The following ITGB4 variants were observed in gnomAD, a reference collection of about 807,000 sequenced individuals.
ITGB4 encodes integrin subunit beta 4, also known as integrin beta-4.
In ITGB4, 159 loss-of-function variants were observed where a neutral mutation model predicts 207.6. The observed-to-expected ratio is 0.77, with a 90% CI of 0.67 to 0.87. ITGB4 has a LOEUF of 0.87. Among genes scored for constraint, ITGB4 ranks in the 40% least tolerant of loss-of-function variants. ITGB4 has a pLI of 0.00. For synonymous variants in ITGB4, 1,020 were observed against 1,062.7 expected (o/e 0.96, Z 0.78); for missense variants, 2,278 against 2,546.8 (o/e 0.89, Z 2.27).
In ITGB4 at chr17:75,731,919, C is replaced by T. The variant is rs768079251; in HGVS notation, c.1323C>T (p.Ser441=). Reference sequence around the variant, plus strand: ...ACATCCATCTGAAACCTTCCTTCTCCGACGGCCTCAAGATGGACGCGGGCA... The same window carrying T: ...ACATCCATCTGAAACCTTCCTTCTCTGACGGCCTCAAGATGGACGCGGGCA... The part of the protein sequence containing the change: ...KGNIHLKPSF[S]DGLKMDAGII... Residue 441 remains serine (S), a synonymous_variant, in exon 11 of 40, where the codon TCC becomes TCT. Coordinates refer to ENST00000200181, the MANE Select transcript of ITGB4 (RefSeq NM_000213.5). The surrounding 1 kb of genome is among the most constrained non-coding windows in gnomAD (Gnocchi z 6.8). 6.2e-6 allele frequency: 10 copies of T among 1,613,942 alleles called. No individual in the cohort carries two copies. Among genetic ancestry groups the T allele is most frequent in the East Asian group, 2.2e-5 (1 of 44,902 alleles).
chr17:75,748,157 T>G (rs568495698), intron 26 of ITGB4, among the ~76,000 whole-genome samples: 61 of 125,146 alleles, frequency 4.9e-4, no homozygotes, highest in African/African-American at 1.7e-3. Context: ...GGCCGGGAGT[T>G]CAAGACCAGC....
At chr17:75,749,802 C>T (rs2061324553) in intron 27 of ITGB4, among the ~76,000 whole-genome samples, 1 of 152,122 alleles carries the variant, frequency 6.6e-6, no homozygotes, top group South Asian at 2.1e-4. Context: ...ACTCAGGGTA[C>T]AGTGTGGAGA....
chr17:75,730,907 G>A lies in ITGB4; in HGVS notation c.1035G>A (p.Leu345=). The change falls in exon 9 of 40, where the codon CTG becomes CTA. Residue 345 remains leucine, a synonymous_variant. Coordinates refer to ENST00000200181, the MANE Select transcript of ITGB4 (RefSeq NM_000213.5). ...ACACCTATTTCCCTGTCTCCTCACTGGGGGTGCTGCAGGAGGACTCGTCCA... is the reference window on the plus strand; with the variant it reads ...ACACCTATTTCCCTGTCTCCTCACTAGGGGTGCTGCAGGAGGACTCGTCCA... ...KLHTYFPVSS[L]GVLQEDSSNI... is the part of the protein sequence containing the mutation. 6.2e-7 allele frequency: 1 copy of A among 1,613,710 alleles called. No individual in the cohort carries two copies. The highest frequency in any genetic ancestry group is 1.1e-5 in the South Asian group (1 of 91,084).
chr17:75,755,875 G>A (rs1018052747), intron 35 of ITGB4, 25 bp downstream of exon 35: 2 of 1,595,746 alleles, frequency 1.3e-6, no homozygotes, highest in South Asian at 2.2e-5. Context: ...CTGCCAGGCT[G>A]CGGGGTGCAG....
Position 75,739,597 on chromosome 17 carries a change from G to T in ITGB4, c.2221-75G>T. The T allele has an allele frequency of 3.2e-6, 5 of 1,544,020 alleles. No homozygotes were observed. Among genetic ancestry groups the T allele is most frequent in the Non-Finnish European group, 4.5e-6 (5 of 1,117,648 alleles). The stretch of plus-strand genomic sequence containing the variant: ...CACCCCTCTTGACCATTGGCATGGG[G>T]CGGGGTGGCTGGAAGGGCTTACCTG... On this transcript the variant is annotated intron_variant, in intron 18 of 39. Transcript: ENST00000200181. The surrounding 1 kb of genome is among the most constrained non-coding windows in gnomAD (Gnocchi z 5.4).
chr17:75,726,870 G>A (rs1236178775), intron 2 of ITGB4, among the ~76,000 whole-genome samples: 2 of 152,160 alleles, frequency 1.3e-5, no homozygotes, highest in African/African-American at 2.4e-5. Context: ...TCAGGAGATC[G>A]AGACCATCCT....
chr17:75,742,521 C>T lies in ITGB4; in HGVS notation c.2782+32C>T, dbSNP rs371869138. On this transcript the variant is annotated intron_variant, in intron 24 of 39. Transcript: ENST00000200181. This position sits in a 1 kb window ranked among gnomAD's most constrained non-coding sequence, Gnocchi z 5.9. ...GGGCGGGTCCGCTGTGCCACTGCCT[C>T]GCACCTCCCGCCTGTGTGGCCCTGT... The T allele has an allele frequency of 6.8e-6, 11 of 1,613,100 alleles. No homozygotes were observed. Among genetic ancestry groups the T allele is most frequent in the South Asian group, 3.3e-5 (3 of 91,064 alleles).
Position 75,755,849 on chromosome 17 carries a change from C to A in ITGB4, c.4707C>A (p.Gly1569=). Residue 1569 remains glycine, a splice_region_variant and synonymous_variant, in exon 35 of 40, where the codon GGC becomes GGA. Transcript: ENST00000200181. ...GTGTGGAGTACCAGCTGCTGAACGG[C>A]GGTGAGGCATGGTGGCTGCCAGGCT... is the stretch of plus-strand genomic sequence containing the variant. ...GYSVEYQLLN[G]GELHRLNIPN... 2 of 1,603,026 alleles carry A rather than the reference C, an allele frequency of 1.2e-6. No individual in the cohort carries two copies. Among genetic ancestry groups the A allele is most frequent in the Non-Finnish European group, 1.7e-6 (2 of 1,179,588 alleles).
At chr17:75,748,197 C>CA (rs57537115) in intron 26 of ITGB4, among the ~76,000 whole-genome samples, 1,970 of 78,576 alleles carry the variant, frequency 0.025, 86 homozygotes, top group African/African-American at 0.076. Flanking sequence ...CGTGCCTCTA[C>CA]AAAAAAAAAA....
Position 75,741,007 on chromosome 17 carries a change from TG to T in ITGB4, c.2633+3del. The T allele has an allele frequency of 6.2e-7, 1 of 1,613,234 alleles. No homozygotes were observed. Among genetic ancestry groups the T allele is most frequent in the Non-Finnish European group, 8.5e-7 (1 of 1,179,946 alleles). ...GCAGCAGCCCAATGCCGGGAAAAAG[TG>T]AGTAGAAGACTCGTGGGTGAGAGGG... is the stretch of plus-strand genomic sequence containing the variant. On this transcript the variant is annotated splice_donor_region_variant and intron_variant, in intron 23 of 39. Coordinates refer to ENST00000200181, the MANE Select transcript of ITGB4 (RefSeq NM_000213.5).
intron 2 of ITGB4, among the ~76,000 whole-genome samples, chr17:75,725,662 G>T (rs999186297): frequency 6.6e-6 from 1 of 152,126 alleles, no homozygotes; most frequent in Non-Finnish European, 1.5e-5. Flanking sequence ...CTGAAGCCCA[G>T]GAGACCTCTT....
In ITGB4 at chr17:75,757,289, G is replaced by A. The variant is rs748012106; in HGVS notation, c.5308G>A (p.Ala1770Thr). The A allele has an allele frequency of 2.3e-5, 37 of 1,611,558 alleles. No individual in the cohort carries two copies. Among genetic ancestry groups the A allele is most frequent in the Middle Eastern group, 1.6e-4 (1 of 6,084 alleles). ...YSSITTTHTS[A>T]TEPFLVDGLT... is the part of the protein sequence containing the mutation. Reference sequence around the variant, plus strand: ...CAGCATCACCACCACCCACACCAGCGCCACCGAGCCCTTCCTAGTGGGTGA... The same window carrying A: ...CAGCATCACCACCACCCACACCAGCACCACCGAGCCCTTCCTAGTGGGTGA... Residue 1770 changes from alanine to threonine, a missense_variant, in exon 39 of 40, where the codon GCC becomes ACC. By Grantham distance (58) the Ala-to-Thr change is moderately conservative (BLOSUM62 0). Transcript: ENST00000200181.
rs747825894 is a variant in ITGB4 at position 75,739,680 on chromosome 17, G to C, written c.2229G>C (p.Leu743=). 5.0e-6 allele frequency: 8 copies of C among 1,614,144 alleles called. No individual in the cohort carries two copies. The Admixed American group carries it at 1.3e-4, about 27-fold the overall frequency. ...WKYCACCKAC[L]ALLPCCNRGH... is the part of the protein sequence containing the mutation. ...CCCACCTTGTCTCCTAGGCCTGCCT[G>C]GCACTTCTCCCGTGCTGCAACCGAG... Residue 743 remains leucine (L), a synonymous_variant, in exon 19 of 40, where the codon CTG becomes CTC. Coordinates refer to ENST00000200181, the MANE Select transcript of ITGB4 (RefSeq NM_000213.5). The surrounding 1 kb of genome is among the most constrained non-coding windows in gnomAD (Gnocchi z 5.4).
In ITGB4 at chr17:75,753,921, C is replaced by A. The variant is rs1182216420; in HGVS notation, c.4265C>A (p.Ala1422Glu). The A allele has an allele frequency of 5.4e-6, 7 of 1,286,644 alleles. No individual in the cohort carries two copies. The highest frequency in any genetic ancestry group is 2.7e-5 in the South Asian group (1 of 37,590). 79.7% of individuals were successfully genotyped at this position (1,286,644 alleles called of 1,614,324 possible). ...APHGPPDDGG[A>E]GGKGGSLPRS... is the part of the protein sequence containing the mutation. ...CACGGGCCCCCGGACGACGGCGGCGCGGGCGGGAAGGGCGGCAGCCTGCCC... is the reference window on the plus strand; with the variant it reads ...CACGGGCCCCCGGACGACGGCGGCGAGGGCGGGAAGGGCGGCAGCCTGCCC... Residue 1422 changes from alanine to glutamate, a missense_variant, in exon 33 of 40, where the codon GCG becomes GAG. By Grantham distance (107) the Ala-to-Glu change is moderately radical. Coordinates refer to ENST00000200181, the MANE Select transcript of ITGB4 (RefSeq NM_000213.5).
At position 75,750,050 on chromosome 17, in the gene ITGB4, G is replaced by C. The variant is rs2061331120; in HGVS notation, c.3317-61G>C. 6.2e-7 allele frequency: 1 copy of C among 1,604,600 alleles called. No homozygotes were observed. Among genetic ancestry groups the C allele is most frequent in the Admixed American group, 1.7e-5 (1 of 59,970 alleles). ...GCCCTGGGTGTTGAAGTGGGTCTCT[G>C]GCGCCCCCTGGTGGTGAAGGGGGAT... On this transcript the variant is annotated intron_variant, in intron 27 of 39. Coordinates refer to ENST00000200181, the MANE Select transcript of ITGB4 (RefSeq NM_000213.5). This position sits in a 1 kb window ranked among gnomAD's most constrained non-coding sequence, Gnocchi z 5.5.
chr17:75,755,705 T>C lies in ITGB4; in HGVS notation c.4563T>C (p.Ser1521=), dbSNP rs2061482040. The change falls in exon 35 of 40, where the codon TCT becomes TCC. Residue 1521 remains serine (S), a synonymous_variant. Coordinates refer to ENST00000200181, the MANE Select transcript of ITGB4 (RefSeq NM_000213.5). ...STLTSVSSHD[S]RLTAGVPDTP... ...ACTGCGGCCTCCTGTCCCCAGACTC[T>C]CGCCTGACTGCTGGTGTGCCCGACA... 2 of 1,612,828 alleles carry C rather than the reference T, an allele frequency of 1.2e-6. No individual in the cohort carries two copies. Among genetic ancestry groups the C allele is most frequent in the Non-Finnish European group, 1.7e-6 (2 of 1,179,910 alleles).
At chr17:75,737,168 T>C (rs1319669561) in intron 16 of ITGB4, among the ~76,000 whole-genome samples, 154 bp from the exon 17 acceptor site, 1 of 152,082 alleles carries the variant, frequency 6.6e-6, no homozygotes, top group African/African-American at 2.4e-5. Flanking sequence ...CTGTGCCTGG[T>C]GAGAGCACGG....
In ITGB4 at chr17:75,740,500, T is replaced by C; in HGVS notation, c.2550+39T>C. Reference sequence around the variant, plus strand: ...AACTAGGCCTGGCCGGAGATGTGGGTATGAGGGCGGGTGAGGTGGGCAGGG... The same window carrying C: ...AACTAGGCCTGGCCGGAGATGTGGGCATGAGGGCGGGTGAGGTGGGCAGGG... On this transcript the variant is annotated intron_variant, in intron 21 of 39. Coordinates refer to ENST00000200181, the MANE Select transcript of ITGB4 (RefSeq NM_000213.5). This position sits in a 1 kb window ranked among gnomAD's most constrained non-coding sequence, Gnocchi z 5.9. 1 of 1,542,648 alleles carries C rather than the reference T, an allele frequency of 6.5e-7. No homozygotes were observed.
intron 13 of ITGB4, 81 bp from the exon 14 acceptor site, chr17:75,735,970 C>T (rs1383145546): frequency 1.5e-6 from 2 of 1,339,368 alleles, no homozygotes; most frequent in Non-Finnish European, 2.1e-6. Context: ...TCTGTTCCCA[C>T]AGGCCCTCCC....
Sources: allele counts gnomAD v4.1 joint callset (sites outside exome capture counted in the v4.1 genomes callset), GRCh38; gene constraint gnomAD v4.1.1; non-coding constraint Gnocchi (gnomAD v3.1); transcripts MANE v1.5; gene names NCBI Gene and HGNC (gene_info 2026-07-23, HGNC 2026-07-21).